The following FOXP1 variants were observed in gnomAD, a reference collection of about 807,000 sequenced individuals.
The protein encoded by FOXP1 is forkhead box P1.
FOXP1 carries 15 observed loss-of-function variants against 98.2 expected under a neutral mutation model. The observed-to-expected ratio is 0.15, with a 90% CI of 0.10 to 0.24. The LOEUF (loss-of-function observed/expected upper bound fraction) is 0.24, where lower values mean the gene tolerates loss of function less well. Among genes scored for constraint, FOXP1 ranks in the 10% least tolerant of loss-of-function variants. The pLI, the probability that FOXP1 is intolerant of heterozygous loss-of-function variation, is 1.00. For synonymous variants in FOXP1, 371 were observed against 314.5 expected (o/e 1.18, Z -1.90); for missense variants, 633 against 848.5 (o/e 0.75, Z 3.15).
chr3:71,419,229 C>A (rs1577398090), intron 3 of FOXP1, among the ~76,000 whole-genome samples: 2 of 70,352 alleles, frequency 2.8e-5, no homozygotes, highest in Non-Finnish European at 2.4e-5. Flanking sequence ...AGGGAGACTC[C>A]ATCTCAAAAA....
chr3:71,500,798 T>G (rs938046604), intron 2 of FOXP1, among the ~76,000 whole-genome samples: 4 of 152,160 alleles, frequency 2.6e-5, no homozygotes, highest in African/African-American at 9.7e-5. Flanking sequence ...TACCATCACC[T>G]TCCTCCACCG....
intron 3 of FOXP1, among the ~76,000 whole-genome samples, chr3:71,369,006 A>G (rs1424781471): frequency 6.6e-6 from 1 of 152,154 alleles, no homozygotes; most frequent in African/African-American, 2.4e-5. Context: ...TTCTGCCCTC[A>G]TTAAGATCTA....
At position 71,147,440 on chromosome 3, in the gene FOXP1, G is replaced by A. The variant is rs77383968; in HGVS notation, c.181-34803C>T. 3.6e-4 allele frequency among the ~76,000 whole-genome samples: 54 copies of A among 152,076 alleles called. No homozygotes were observed. In the East Asian group the frequency reaches 9.1e-3, roughly 26 times the overall value. ...CCTTCCCTCTCAGGGCTGTTCTTCC[G>A]CCATACACACTATTACTTATATCTC... On this transcript the variant is annotated intron_variant, in intron 6 of 20. Transcript: ENST00000649528.
At chr3:71,548,378 T>C (rs2045526692) in intron 2 of FOXP1, among the ~76,000 whole-genome samples, 2 of 152,122 alleles carry the variant, frequency 1.3e-5, no homozygotes, top group Non-Finnish European at 2.9e-5. Context: ...ATTCAACGTA[T>C]TTCCTGTCCC....
chr3:71,506,196 G>A (rs960002252), intron 2 of FOXP1, among the ~76,000 whole-genome samples: 3 of 152,204 alleles, frequency 2.0e-5, no homozygotes, highest in African/African-American at 7.2e-5. Flanking sequence ...GGCTTCGGCA[G>A]TGTTGGGAGT....
Position 71,281,061 on chromosome 3 carries a change from A to G in FOXP1, c.-12+18759T>C, listed in dbSNP as rs1431765006. ...CTACAAAAAAAAAAAAAAAAAAAAA[A>G]GAAGAAGAAGAAGAAAAAGTAGCCA... On this transcript the variant is annotated intron_variant, in intron 5 of 20. Coordinates refer to ENST00000649528, the MANE Select transcript of FOXP1 (RefSeq NM_001349338.3). Among the ~76,000 whole-genome samples, 4 of 133,732 alleles carry G rather than the reference A, an allele frequency of 3.0e-5. No individual in the cohort carries two copies. In the East Asian group the frequency reaches 9.6e-4, roughly 32 times the overall value. The allele number at this position is 133,732 out of a possible 152,430, so 87.7% of individuals were successfully genotyped here. A position where few individuals can be genotyped will look rare whatever the true frequency, so the allele number is the denominator to read the frequency against.
chr3:71,329,387 A>T (rs559507220), intron 4 of FOXP1, among the ~76,000 whole-genome samples: 7 of 151,830 alleles, frequency 4.6e-5, no homozygotes, highest in Admixed American at 6.6e-5. Context: ...AGGCTGGCTA[A>T]TTTTTTTGTA....
At chr3:71,226,362 C>T (rs545505330) in intron 5 of FOXP1, among the ~76,000 whole-genome samples, 1 of 152,294 alleles carries the variant, frequency 6.6e-6, no homozygotes, top group East Asian at 1.9e-4. Context: ...ATGGATGAGG[C>T]TGACATCAGA....
intron 3 of FOXP1, among the ~76,000 whole-genome samples, chr3:71,432,244 C>A (rs137963901): frequency 6.6e-6 from 1 of 152,174 alleles, no homozygotes; most frequent in African/African-American, 2.4e-5. Flanking sequence ...CTGACCTTGT[C>A]GTGGCCGGGA....
At chr3:71,307,118 G>A (rs1215009519) in intron 4 of FOXP1, among the ~76,000 whole-genome samples, 1 of 152,074 alleles carries the variant, frequency 6.6e-6, no homozygotes, top group East Asian at 1.9e-4. Context: ...GATTATGTTC[G>A]TCTACTACTT....
chr3:71,433,503 T>C (rs1428592225), intron 3 of FOXP1, among the ~76,000 whole-genome samples: 2 of 152,162 alleles, frequency 1.3e-5, no homozygotes, highest in Non-Finnish European at 2.9e-5. Flanking sequence ...GTATCTGACA[T>C]CACACATCAG....
At chr3:71,172,788 C>T (rs191951227) in intron 6 of FOXP1, among the ~76,000 whole-genome samples, 1 of 152,130 alleles carries the variant, frequency 6.6e-6, no homozygotes, top group Non-Finnish European at 1.5e-5. Flanking sequence ...TCGTTAGCTG[C>T]CTGGAATTCC....
chr3:71,173,806 G>T (rs2061776386), intron 6 of FOXP1, among the ~76,000 whole-genome samples: 2 of 152,216 alleles, frequency 1.3e-5, no homozygotes, highest in South Asian at 4.1e-4. Context: ...GAAAACATGG[G>T]CTTGAAGTCA....
intron 18 of FOXP1, chr3:70,972,070 A>T: frequency 6.6e-7 from 1 of 1,518,176 alleles, no homozygotes; most frequent in Non-Finnish European, 8.8e-7. Flanking sequence ...GGCCTCGTTG[A>T]ATATGGCGGC....
chr3:71,565,828 T>C lies in FOXP1; in HGVS notation c.-298+15721A>G, dbSNP rs144330661. On this transcript the variant is annotated intron_variant, in intron 2 of 20. Coordinates refer to ENST00000649528, the MANE Select transcript of FOXP1 (RefSeq NM_001349338.3). ...TTGTATTAGAATGCCCAACTGAGGA[T>C]GTCCAAAAATAAGGTAGGGGGTAAC... 2.0e-5 allele frequency among the ~76,000 whole-genome samples: 3 copies of C among 152,284 alleles called. No individual in the cohort carries two copies. The East Asian group carries it at 5.8e-4, about 29-fold the overall frequency.
intron 4 of FOXP1, among the ~76,000 whole-genome samples, chr3:71,346,183 C>T (rs977597372): frequency 6.6e-6 from 1 of 152,130 alleles, no homozygotes; most frequent in Non-Finnish European, 1.5e-5. Context: ...TGAGGGAAGG[C>T]GAATGCCAAG....
chr3:71,533,261 T>G (rs951018454), intron 2 of FOXP1, among the ~76,000 whole-genome samples: 1 of 152,178 alleles, frequency 6.6e-6, no homozygotes, highest in African/African-American at 2.4e-5. Flanking sequence ...GAGAGGATTT[T>G]CTTCCACCCC....
intron 5 of FOXP1, among the ~76,000 whole-genome samples, chr3:71,286,130 C>A (rs1156283846): frequency 6.6e-6 from 1 of 152,186 alleles, no homozygotes; most frequent in Non-Finnish European, 1.5e-5. Context: ...TCTGCAATGA[C>A]AATACCAAGT....
chr3:71,107,083 G>A (rs1012468874), intron 7 of FOXP1, among the ~76,000 whole-genome samples: 4 of 152,100 alleles, frequency 2.6e-5, no homozygotes, highest in African/African-American at 9.7e-5. Context: ...CTTCAAGAGT[G>A]GGAATTATGA....
Sources: allele counts gnomAD v4.1 joint callset (sites outside exome capture counted in the v4.1 genomes callset), GRCh38; gene constraint gnomAD v4.1.1; transcripts MANE v1.5; gene names NCBI Gene and HGNC (gene_info 2026-07-23, HGNC 2026-07-21).